ELAC2: variants seen among roughly 807,000 people sequenced by gnomAD.
The protein encoded by ELAC2 is zinc phosphodiesterase ELAC protein 2.
In ELAC2, 92 loss-of-function variants were observed where a neutral mutation model predicts 105.2. The ratio of observed to expected loss-of-function variants is 0.87; its 90% CI spans 0.74 to 1.04. The LOEUF is 1.04. Ranked by LOEUF, ELAC2 falls within the 50% of genes least tolerant of loss-of-function variation. ELAC2 has a pLI of 0.00. For missense variants in ELAC2, 1,099 were observed against 1,071.7 expected (o/e 1.03, Z -0.36); for synonymous variants, 468 against 409.1 (o/e 1.14, Z -1.74).
chr17:13,012,207 C>CGT (rs1232908931), intron 6 of ELAC2, among the ~76,000 whole-genome samples: 1 of 152,168 alleles, frequency 6.6e-6, no homozygotes, highest in African/African-American at 2.4e-5. Flanking sequence ...CGAGAATGAA[C>CGT]GTAAGTTCAC....
At position 13,005,969 on chromosome 17, in the gene ELAC2, T is replaced by G. The variant is rs2041086307; in HGVS notation, c.749A>C (p.Lys250Thr). The change falls in exon 9 of 24, where the codon AAG (lysine) becomes ACG (threonine). Residue 250 changes from lysine (K) to threonine (T), a missense_variant. By Grantham distance (78) the Lys-to-Thr change is moderately conservative. Transcript: ENST00000338034. ...VVAFICKLHLKRGNFLVLKAK... is the reference protein window; with the variant it reads ...VVAFICKLHLTRGNFLVLKAK... ...TTTGAGCACCAAGAAGTTTCCTCTC[T>G]TTAAGTGAAGCTGCAACAAAGAGAA... 1 of 1,614,072 alleles carries G rather than the reference T, an allele frequency of 6.2e-7. No homozygotes were observed. Among genetic ancestry groups the G allele is most frequent in the Non-Finnish European group, 8.5e-7 (1 of 1,180,042 alleles).
intron 14 of ELAC2, among the ~76,000 whole-genome samples, chr17:13,001,526 T>A (rs60773934): frequency 0.18 from 27,143 of 151,242 alleles, 2,435 homozygotes; most frequent in African/African-American, 0.19. Context: ...ATAAATAAAT[T>A]AATTAATTAA....
At chr17:12,996,441 G>T in intron 17 of ELAC2, 106 bp downstream of exon 17, 1 of 1,559,794 alleles carries the variant, frequency 6.4e-7, no homozygotes, top group Non-Finnish European at 8.8e-7. Flanking sequence ...AGTAACAAAA[G>T]CTCTGGGCAA....
intron 11 of ELAC2, among the ~76,000 whole-genome samples, chr17:13,004,678 A>G (rs1411271025): frequency 1.3e-5 from 2 of 152,236 alleles, no homozygotes; most frequent in Non-Finnish European, 2.9e-5. Flanking sequence ...AATCCAAATG[A>G]TAATCTGGGG....
rs55674356 is a variant in ELAC2, at chr17:13,002,257, T to A, written c.1304+17A>T. 0.29 allele frequency: 464,270 copies of A among 1,613,224 alleles called. 69,281 individuals are homozygous for A. Among genetic ancestry groups the A allele is most frequent in the Middle Eastern group, 0.34 (2,053 of 6,056 alleles). ...AACTCGACTGAGACGATTCCATTAG[T>A]TCAAGATGGCACAGACCTCTGCCAC... is the stretch of plus-strand genomic sequence containing the variant. On this transcript the variant is annotated intron_variant, in intron 14 of 23. Transcript: ENST00000338034.
Position 13,017,837 on chromosome 17 carries a change from C to T in ELAC2, c.111G>A (p.Leu37=). 1 of 1,584,176 alleles carries T rather than the reference C, an allele frequency of 6.3e-7. No individual in the cohort carries two copies. Among genetic ancestry groups the T allele is most frequent in the Non-Finnish European group, 8.6e-7 (1 of 1,166,660 alleles). The change falls in exon 1 of 24, where the codon CTG becomes CTA. Residue 37 remains leucine (L), a synonymous_variant. Transcript: ENST00000338034. ...ARRERPRKDP[L]RHLRTREKRG... ...GCTTCTCTCGCGTGCGCAGGTGCCG[C>T]AGCGGGTCCTTGCGCGGCCGCTCGC...
At chr17:12,993,187 G>T (rs1436219096) in intron 23 of ELAC2, 142 bp from the exon 24 acceptor site, 1 of 933,218 alleles carries the variant, frequency 1.1e-6, no homozygotes, top group South Asian at 1.4e-5. Flanking sequence ...CAGCTGAAAT[G>T]GAAAAAAGAA....
At chr17:13,016,175 C>T (rs1293186947) in intron 3 of ELAC2, among the ~76,000 whole-genome samples, 1 of 152,168 alleles carries the variant, frequency 6.6e-6, no homozygotes, top group Non-Finnish European at 1.5e-5. Context: ...CACTTCACTC[C>T]TTCCGGTCCA....
intron 16 of ELAC2, 99 bp downstream of exon 16, chr17:12,998,313 G>T: frequency 1.7e-6 from 2 of 1,155,650 alleles, no homozygotes; most frequent in Non-Finnish European, 2.6e-6. Flanking sequence ...GACAGGGCTT[G>T]ATACCGCATT....
At chr17:13,005,858 TG>T in intron 9 of ELAC2, 33 bp from the exon 10 acceptor site, 2 of 1,614,116 alleles carry the variant, frequency 1.2e-6, no homozygotes, top group Non-Finnish European at 1.7e-6. Flanking sequence ...CTGTGAAATG[TG>T]ATTTCCTTAA....
chr17:12,993,955 G>C (rs150294032), intron 22 of ELAC2, 124 bp from the exon 23 acceptor site: 1 of 1,361,328 alleles, frequency 7.3e-7, no homozygotes, highest in African/African-American at 1.4e-5. Context: ...TTTTCTTAAC[G>C]GGCACCTCCG....
In ELAC2 at chr17:13,010,796, A is replaced by G. The variant is rs566264484; in HGVS notation, c.680-125T>C. 108 of 867,974 alleles carry G rather than the reference A, an allele frequency of 1.2e-4. No individual in the cohort carries two copies. In the South Asian group the frequency reaches 1.4e-3, roughly 11 times the overall value. 53.8% of individuals were successfully genotyped at this position (867,974 alleles called of 1,614,324 possible). Reference sequence around the variant, plus strand: ...AATTAATGGACGCTACTGTCCCAATACAAAGGCTGAAGACACTAATATACT... The same window carrying G: ...AATTAATGGACGCTACTGTCCCAATGCAAAGGCTGAAGACACTAATATACT... On this transcript the variant is annotated intron_variant, in intron 7 of 23. Transcript: ENST00000338034.
At chr17:13,007,499 T>G (rs957907745) in intron 8 of ELAC2, among the ~76,000 whole-genome samples, 3 of 152,230 alleles carry the variant, frequency 2.0e-5, no homozygotes, top group African/African-American at 7.2e-5. Context: ...CATCTTTAGA[T>G]AACTAACAAC....
chr17:12,997,831 G>C (rs142431027), intron 16 of ELAC2, among the ~76,000 whole-genome samples: 233 of 152,266 alleles, frequency 1.5e-3, no homozygotes, highest in African/African-American at 5.3e-3. Context: ...CAACGCATTT[G>C]ACTAATCTCT....
chr17:12,997,353 C>T (rs2040526243), intron 16 of ELAC2, among the ~76,000 whole-genome samples: 1 of 152,206 alleles, frequency 6.6e-6, no homozygotes, highest in Non-Finnish European at 1.5e-5. Context: ...GCTCTGGCCT[C>T]CTTCATTCTC....
At chr17:12,998,931 C>T (rs531852394) in intron 15 of ELAC2, among the ~76,000 whole-genome samples, 2 of 152,288 alleles carry the variant, frequency 1.3e-5, no homozygotes, top group South Asian at 4.1e-4. Context: ...ATTCTCAGCC[C>T]GCAGAACCGT....
chr17:13,010,500 C>T (rs985674597), intron 8 of ELAC2, 113 bp downstream of exon 8: 21 of 975,790 alleles, frequency 2.2e-5, no homozygotes, highest in Non-Finnish European at 3.1e-5. Context: ...TCTGCTATCT[C>T]TTCTTGTCTC....
intron 19 of ELAC2, 123 bp from the exon 20 acceptor site, chr17:12,995,185 A>C: frequency 9.5e-7 from 1 of 1,047,420 alleles, no homozygotes; most frequent in South Asian, 1.3e-5. Flanking sequence ...GTTAAATCAT[A>C]GTCACTATGA....
At chr17:12,994,564 G>A in intron 21 of ELAC2, 61 bp from the exon 22 acceptor site, 1 of 1,604,776 alleles carries the variant, frequency 6.2e-7, no homozygotes, top group Non-Finnish European at 8.5e-7. Context: ...ACAGGCCTCA[G>A]TCACGTGCTG....
Sources: gnomAD v4.1 joint callset for allele counts (sites outside exome capture counted in the v4.1 genomes callset) on GRCh38, gnomAD v4.1.1 for gene constraint, MANE v1.5 for transcripts, NCBI Gene and HGNC (gene_info 2026-07-23, HGNC 2026-07-21) for gene names.